The following ADGRL1 variants were observed in gnomAD, a reference collection of about 807,000 sequenced individuals.
The protein encoded by ADGRL1 is CIRL-1.
A neutral mutation model predicts 148.9 loss-of-function variants in ADGRL1; 31 were observed. The ratio of observed to expected loss-of-function variants is 0.21; its 90% CI spans 0.16 to 0.28. The LOEUF (loss-of-function observed/expected upper bound fraction) is 0.28, where lower values mean the gene tolerates loss of function less well. Among genes scored for constraint, ADGRL1 ranks in the 10% least tolerant of loss-of-function variants. The probability of loss-of-function intolerance (pLI) is 1.00; values close to 1 mark genes in which losing one functional copy is unlikely to be tolerated. For synonymous variants in ADGRL1, 937 were observed against 900.3 expected (o/e 1.04, Z -0.73); for missense variants, 1,521 against 2,058.8 (o/e 0.74, Z 5.05).
intron 3 of ADGRL1, 42 bp downstream of exon 3, chr19:14,177,489 G>C (rs1970903609): frequency 1.9e-6 from 3 of 1,573,652 alleles, no homozygotes; most frequent in Non-Finnish European, 2.6e-6. Context: ...AGTGCTTTTA[G>C]GCGGGCACTT....
intron 3 of ADGRL1, among the ~76,000 whole-genome samples, chr19:14,175,561 C>G (rs1233157102): frequency 6.6e-6 from 1 of 152,034 alleles, no homozygotes; most frequent in Non-Finnish European, 1.5e-5. Flanking sequence ...CACATTCACA[C>G]ACACATCCAC....
intron 1 of ADGRL1, among the ~76,000 whole-genome samples, chr19:14,201,302 G>GTTTT (rs56206541): frequency 1.8e-5 from 2 of 109,954 alleles, no homozygotes; most frequent in Non-Finnish European, 1.8e-5. Context: ...GAGTTTTTTT[G>GTTTT]TTTTTTTTTT....
Position 14,160,036 on chromosome 19 carries a change from C to G in ADGRL1, c.1800+76G>C, listed in dbSNP as rs906197441. The G allele has an allele frequency of 4.1e-6, 6 of 1,451,898 alleles. No individual in the cohort carries two copies. In the South Asian group the frequency reaches 8.0e-5, roughly 19 times the overall value. The allele number at this position is 1,451,898 out of a possible 1,614,324, so 89.9% of individuals were successfully genotyped here. On this transcript the variant is annotated intron_variant, in intron 8 of 22. Transcript: ENST00000361434. The surrounding 1 kb of genome is among the most constrained non-coding windows in gnomAD (Gnocchi z 5.9). ...GAGGTGGCAGCCTGGCTGGGAGGTA[C>G]CAGGTCAGGTACTTCCCAAGCCCCT... is the stretch of plus-strand genomic sequence containing the variant.
chr19:14,198,783 C>T (rs1972424730), intron 1 of ADGRL1, among the ~76,000 whole-genome samples: 1 of 152,188 alleles, frequency 6.6e-6, no homozygotes, highest in Non-Finnish European at 1.5e-5. Flanking sequence ...CTCCACCATA[C>T]CCCTCCTCCC....
At chr19:14,177,102 C>T (rs1053392930) in intron 3 of ADGRL1, among the ~76,000 whole-genome samples, 1 of 151,990 alleles carries the variant, frequency 6.6e-6, no homozygotes, top group South Asian at 2.1e-4. Flanking sequence ...TGGTGGCGTG[C>T]GCCTATAATC....
In ADGRL1 at chr19:14,162,627, C is replaced by G. The variant is rs200537037; in HGVS notation, c.1174G>C (p.Gly392Arg). The G allele has an allele frequency of 1.2e-6, 2 of 1,607,568 alleles. No homozygotes were observed. The highest frequency in any genetic ancestry group is 1.3e-5 in the African/African-American group (1 of 74,934). Residue 392 changes from glycine to arginine, a missense_variant, in exon 5 of 23, where the codon GGG becomes CGG. By Grantham distance (125) the Gly-to-Arg change is moderately radical (BLOSUM62 -2). This residue lies in a region of ADGRL1 where 270 missense variants were observed against 320.4 expected (regional missense o/e 0.84). Coordinates refer to ENST00000361434, the MANE Select transcript of ADGRL1 (RefSeq NM_014921.5). This position sits in a 1 kb window ranked among gnomAD's most constrained non-coding sequence, Gnocchi z 5.4. ...TCACCAGCACTGGGGTCGGGCGGCC[C>G]GAACTCCAGGCTGTAGCGCACCACG... ...YFVVRYSLEFGPPDPSAGPAT... is the reference protein window; with the variant it reads ...YFVVRYSLEFRPPDPSAGPAT...
chr19:14,198,176 G>C (rs1016970685), intron 1 of ADGRL1, among the ~76,000 whole-genome samples: 2 of 152,030 alleles, frequency 1.3e-5, no homozygotes, highest in Non-Finnish European at 2.9e-5. Flanking sequence ...GGCTGGGGAG[G>C]GGGGTCACAG....
At position 14,159,287 on chromosome 19, in the gene ADGRL1, A is replaced by G. The variant is rs1321964288; in HGVS notation, c.2024-72T>C. The G allele has an allele frequency of 6.3e-7, 1 of 1,586,204 alleles. No homozygotes were observed. The highest frequency in any genetic ancestry group is 8.6e-7 in the Non-Finnish European group (1 of 1,162,196). On this transcript the variant is annotated intron_variant, in intron 10 of 22. Transcript: ENST00000361434. The surrounding 1 kb of genome is among the most constrained non-coding windows in gnomAD (Gnocchi z 6.0). ...CCAGTCCAGGGGCTCAGGCTGCAGAACGAGACTCTGGCAAGATGCCCAAGG... is the reference window on the plus strand; with the variant it reads ...CCAGTCCAGGGGCTCAGGCTGCAGAGCGAGACTCTGGCAAGATGCCCAAGG...
intron 1 of ADGRL1, among the ~76,000 whole-genome samples, chr19:14,201,509 T>A (rs2145181233): frequency 6.6e-6 from 1 of 151,608 alleles, no homozygotes; most frequent in Non-Finnish European, 1.5e-5. Flanking sequence ...CTCAAACCTC[T>A]GGGCTCAAGC....
chr19:14,167,122 C>T (rs537168147), intron 4 of ADGRL1: 90 of 1,144,342 alleles, frequency 7.9e-5, no homozygotes, highest in Admixed American at 1.6e-4. Context: ...AAATTGCTTT[C>T]GTTTCTTTTC....
intron 1 of ADGRL1, among the ~76,000 whole-genome samples, chr19:14,193,168 C>T (rs10419747): frequency 6.6e-6 from 1 of 151,654 alleles, no homozygotes; most frequent in African/African-American, 2.4e-5. Context: ...AGGAACCAGC[C>T]TCAGCTTGGC....
chr19:14,201,850 G>A (rs543030321), intron 1 of ADGRL1, among the ~76,000 whole-genome samples: 13 of 152,240 alleles, frequency 8.5e-5, no homozygotes, highest in Non-Finnish European at 1.6e-4. Flanking sequence ...ACAAACAAGC[G>A]CAGAACATCA....
intron 1 of ADGRL1, among the ~76,000 whole-genome samples, chr19:14,204,871 TG>T (rs1457241413): frequency 1.3e-5 from 2 of 151,470 alleles, no homozygotes; most frequent in Non-Finnish European, 2.9e-5. Context: ...CTGAGTCCGG[TG>T]GAAGCCAGGC....
chr19:14,161,192 G>T lies in ADGRL1; in HGVS notation c.1510+120C>A. On this transcript the variant is annotated intron_variant, in intron 6 of 22. Transcript: ENST00000361434. The surrounding 1 kb of genome is among the most constrained non-coding windows in gnomAD (Gnocchi z 4.4). ...GAGAGCTCTGCTGGTCACTGGGGAT[G>T]ACCCCTGCCCTCAGAAAACCTCTGC... 1.0e-6 allele frequency: 1 copy of T among 1,002,846 alleles called. No homozygotes were observed. Among genetic ancestry groups the T allele is most frequent in the Non-Finnish European group, 1.4e-6 (1 of 720,176 alleles). 62.1% of individuals were successfully genotyped at this position (1,002,846 alleles called of 1,614,324 possible).
chr19:14,151,038 G>A lies in ADGRL1; in HGVS notation c.4245C>T (p.Pro1415=), dbSNP rs562152172. The change falls in exon 23 of 23, where the codon CCC becomes CCT. Residue 1415 remains proline (P), a synonymous_variant. Transcript: ENST00000361434. ...GCGGGCGCGAGGTGTAGTAGATTTC[G>A]GGGGGGCCGGGGGGTGCGGGAGGGG... ...PPPPPAPPGP[P]EIYYTSRPPA... The A allele has an allele frequency of 6.0e-6, 9 of 1,503,110 alleles. No homozygotes were observed. Among genetic ancestry groups the A allele is most frequent in the Admixed American group, 4.4e-5 (2 of 44,984 alleles). The allele number at this position is 1,503,110 out of a possible 1,614,324, so 93.1% of individuals were successfully genotyped here. A position where few individuals can be genotyped will look rare whatever the true frequency, so the allele number is the denominator to read the frequency against.
rs1969022088 is a variant in ADGRL1 at position 14,158,660 on chromosome 19, GGC to G, written c.2150-110_2150-109del. 2.8e-5 allele frequency: 24 copies of G among 865,186 alleles called. No individual in the cohort carries two copies. In the South Asian group the frequency reaches 3.6e-4, roughly 13 times the overall value. 53.6% of individuals were successfully genotyped at this position (865,186 alleles called of 1,614,324 possible). A position where few individuals can be genotyped will look rare whatever the true frequency, so the allele number is the denominator to read the frequency against. On this transcript the variant is annotated intron_variant, in intron 11 of 22. Transcript: ENST00000361434. ...CAGCTCCTCAGCCCTTGGCCACGCT[GGC>G]CACTGGGACCTCTGAAGCCAGTCCA...
intron 2 of ADGRL1, 100 bp from the exon 3 acceptor site, chr19:14,177,844 C>A: frequency 9.2e-7 from 1 of 1,084,536 alleles, no homozygotes; most frequent in Non-Finnish European, 1.3e-6. Flanking sequence ...TCGGCTGTGT[C>A]CTGGAAGCCA....
intron 2 of ADGRL1, among the ~76,000 whole-genome samples, chr19:14,177,979 G>A (rs1400131347): frequency 6.6e-6 from 1 of 152,172 alleles, no homozygotes; most frequent in Non-Finnish European, 1.5e-5. Context: ...TGACGTCTGA[G>A]CCTTTGGAAT....
At position 14,150,685 on chromosome 19, in the gene ADGRL1, T is replaced by C; in HGVS notation, c.*188A>G. 1.6e-6 allele frequency: 1 copy of C among 641,376 alleles called. No homozygotes were observed. Among genetic ancestry groups the C allele is most frequent in the Middle Eastern group, 4.3e-4 (1 of 2,328 alleles). 39.7% of individuals were successfully genotyped at this position (641,376 alleles called of 1,614,324 possible). A position where few individuals can be genotyped will look rare whatever the true frequency, so the allele number is the denominator to read the frequency against. On this transcript the variant is annotated 3_prime_UTR_variant, in exon 23 of 23. Coordinates refer to ENST00000361434, the MANE Select transcript of ADGRL1 (RefSeq NM_014921.5). ...CGTGTGGCTGGTGGGAAACCCTGTC[T>C]GTGAACCCTGGCACCTCAGGCCCCC...
Sources: allele counts gnomAD v4.1 joint callset (sites outside exome capture counted in the v4.1 genomes callset), GRCh38; gene constraint gnomAD v4.1.1; regional missense constraint gnomAD v4.1.1; non-coding constraint Gnocchi (gnomAD v3.1); transcripts MANE v1.5; gene names NCBI Gene and HGNC (gene_info 2026-07-23, HGNC 2026-07-21).